Variants in CCDC7 observed in about 807,000 individuals in gnomAD.
The protein encoded by CCDC7 is coiled-coil domain containing 7, also known as coiled-coil domain-containing protein 7.
CCDC7 carries 183 observed loss-of-function variants against 196.9 expected under a neutral mutation model. That is an observed-to-expected ratio of 0.93 (90% CI 0.82 to 1.05). CCDC7 has a LOEUF of 1.05. Ranked by LOEUF, CCDC7 falls within the 50% of genes least tolerant of loss-of-function variation. The probability of loss-of-function intolerance (pLI) is 0.00; values close to 1 mark genes in which losing one functional copy is unlikely to be tolerated. For missense variants in CCDC7, 1,540 were observed against 1,482.2 expected (o/e 1.04, Z -0.64); for synonymous variants, 525 against 484.6 (o/e 1.08, Z -1.10).
chr10:32,684,616 G>A (rs1235425009), intron 21 of CCDC7, among the ~76,000 whole-genome samples: 1 of 152,172 alleles, frequency 6.6e-6, no homozygotes, highest in African/African-American at 2.4e-5. Flanking sequence ...AGAGCCACTT[G>A]CCACTTATAA....
At chr10:32,566,703 A>G (rs1392582138) in intron 14 of CCDC7, among the ~76,000 whole-genome samples, 1 of 151,686 alleles carries the variant, frequency 6.6e-6, no homozygotes, top group Non-Finnish European at 1.5e-5. Context: ...TTTGAGCCCA[A>G]GAATTTGCGA....
chr10:32,561,734 A>G (rs2055687225), intron 13 of CCDC7, among the ~76,000 whole-genome samples: 1 of 152,238 alleles, frequency 6.6e-6, no homozygotes, highest in Non-Finnish European at 1.5e-5. Flanking sequence ...CATCACAATT[A>G]AAAGAACTAG....
rs151016662 is a variant in CCDC7, at chr10:32,662,639, T to C, written c.2015-1415T>C. Among the ~76,000 whole-genome samples, 6 of 152,294 alleles carry C rather than the reference T, an allele frequency of 3.9e-5. No individual in the cohort carries two copies. The East Asian group carries it at 1.2e-3, about 30-fold the overall frequency. ...GTCTTTGAGAAGGGACTTAAACAAATGGTCCAGGAGTGAGTGCCCAGTTAC... is the reference window on the plus strand; with the variant it reads ...GTCTTTGAGAAGGGACTTAAACAAACGGTCCAGGAGTGAGTGCCCAGTTAC... On this transcript the variant is annotated intron_variant, in intron 20 of 41. Coordinates refer to ENST00000639629, the Ensembl canonical transcript of CCDC7.
At chr10:32,874,842 G>A (rs967913818) in intron 41 of CCDC7, among the ~76,000 whole-genome samples, 1 of 150,964 alleles carries the variant, frequency 6.6e-6, no homozygotes, top group Non-Finnish European at 1.5e-5. Context: ...CATTGCTTTT[G>A]GGGTCTTAGT....
In CCDC7 at chr10:32,599,918, A is replaced by T. The variant is rs569307802; in HGVS notation, c.1801+15614A>T. 2.0e-5 allele frequency among the ~76,000 whole-genome samples: 3 copies of T among 152,180 alleles called. No homozygotes were observed. The South Asian group carries it at 6.2e-4, about 32-fold the overall frequency. On this transcript the variant is annotated intron_variant, in intron 18 of 41. Transcript: ENST00000639629. Reference sequence around the variant, plus strand: ...TATTGAATAGGGTGTCCTTTAACCAATTTATGTTTTTGTGTGGTTTGTTGA... The same window carrying T: ...TATTGAATAGGGTGTCCTTTAACCATTTTATGTTTTTGTGTGGTTTGTTGA...
intron 33 of CCDC7, among the ~76,000 whole-genome samples, chr10:32,836,036 A>G (rs1446101434): frequency 2.0e-5 from 3 of 152,132 alleles, no homozygotes; most frequent in Non-Finnish European, 4.4e-5. Context: ...TCTCAGCTAC[A>G]GTAAAGTTAT....
At chr10:32,879,005 A>G (rs1044736595), downstream of CCDC7, among the ~76,000 whole-genome samples, 3 of 152,102 alleles carry the variant, frequency 2.0e-5, no homozygotes, top group African/African-American at 7.2e-5. Flanking sequence ...AGGCCATTCA[A>G]ATTGGCAAGG....
intron 18 of CCDC7, among the ~76,000 whole-genome samples, chr10:32,589,354 C>T (rs57242880): frequency 0.051 from 7,788 of 152,086 alleles, 653 homozygotes; most frequent in African/African-American, 0.18. Flanking sequence ...GCTGAATAGT[C>T]CTCCATTGTG....
chr10:32,737,586 T>C (rs1430241762), intron 28 of CCDC7, among the ~76,000 whole-genome samples: 1 of 152,180 alleles, frequency 6.6e-6, no homozygotes, highest in Non-Finnish European at 1.5e-5. Flanking sequence ...TTAGTGATTT[T>C]CAGCCTGTTG....
At chr10:32,673,154 C>T (rs2074344684) in intron 21 of CCDC7, among the ~76,000 whole-genome samples, 2 of 152,040 alleles carry the variant, frequency 1.3e-5, no homozygotes, top group Admixed American at 1.3e-4. Context: ...GTGTATATGT[C>T]TTTTATGGCA....
At chr10:32,711,223 T>C (rs1207419564) in intron 24 of CCDC7, among the ~76,000 whole-genome samples, 1 of 151,954 alleles carries the variant, frequency 6.6e-6, no homozygotes, top group Non-Finnish European at 1.5e-5. Flanking sequence ...TGTATATATA[T>C]ATGTTCATTC....
chr10:32,482,156 A>G (rs937205532), intron 8 of CCDC7, among the ~76,000 whole-genome samples: 14 of 151,150 alleles, frequency 9.3e-5, no homozygotes, highest in African/African-American at 1.7e-4. Context: ...ATGCTGTCCC[A>G]TAAATCCTGT....
At chr10:32,762,818 T>TG (rs2077665445) in intron 28 of CCDC7, among the ~76,000 whole-genome samples, 1 of 151,694 alleles carries the variant, frequency 6.6e-6, no homozygotes, top group Non-Finnish European at 1.5e-5. Context: ...AAACGCAAAA[T>TG]AATGAAACTG....
intron 41 of CCDC7, among the ~76,000 whole-genome samples, chr10:32,874,130 CAT>C (rs937948067): frequency 6.7e-6 from 1 of 148,886 alleles, no homozygotes; most frequent in African/African-American, 2.5e-5. Context: ...TGCTGAAAGT[CAT>C]ATATATATAT....
At chr10:32,598,388 C>T (rs2060640608) in intron 18 of CCDC7, among the ~76,000 whole-genome samples, 1 of 152,192 alleles carries the variant, frequency 6.6e-6, no homozygotes, top group South Asian at 2.1e-4. Flanking sequence ...TCCTGATTTT[C>T]CAGGTACCAT....
At chr10:32,523,425 C>T (rs1370658008) in intron 11 of CCDC7, among the ~76,000 whole-genome samples, 6 of 151,782 alleles carry the variant, frequency 4.0e-5, no homozygotes, top group Admixed American at 1.3e-4. Flanking sequence ...GGCAGGCGCC[C>T]GTAGTCCCAG....
At chr10:32,767,287 G>T (rs1175480210) in intron 28 of CCDC7, among the ~76,000 whole-genome samples, 2 of 152,028 alleles carry the variant, frequency 1.3e-5, no homozygotes, top group Non-Finnish European at 2.9e-5. Context: ...TAAGAGATAT[G>T]TTATATTCAT....
Position 32,725,243 on chromosome 10 carries a change from T to G in CCDC7, c.2570-1491T>G, listed in dbSNP as rs904584133. The stretch of plus-strand genomic sequence containing the variant: ...TCCTTTCTCTCGAAGCACCAACTGA[T>G]TTATGCAGTTGCTCTATCCTATAAT... On this transcript the variant is annotated intron_variant, in intron 25 of 41. Coordinates refer to ENST00000639629, the Ensembl canonical transcript of CCDC7. 1.8e-5 allele frequency: 8 copies of G among 447,264 alleles called. No homozygotes were observed. In the East Asian group the frequency reaches 4.9e-4, roughly 27 times the overall value. The allele number at this position is 447,264 out of a possible 1,614,324, so 27.7% of individuals were successfully genotyped here. A position where few individuals can be genotyped will look rare whatever the true frequency, so the allele number is the denominator to read the frequency against.
intron 28 of CCDC7, among the ~76,000 whole-genome samples, chr10:32,768,738 T>C (rs2078704913): frequency 6.6e-6 from 1 of 152,312 alleles, no homozygotes; most frequent in South Asian, 2.1e-4. Flanking sequence ...AATGCTGAAC[T>C]TTATCAAATG....
Sources: gnomAD v4.1 joint callset for allele counts (sites outside exome capture counted in the v4.1 genomes callset) on GRCh38, gnomAD v4.1.1 for gene constraint, MANE v1.5 for transcripts, NCBI Gene and HGNC (gene_info 2026-07-23, HGNC 2026-07-21) for gene names.